CUL9: variants seen among roughly 807,000 people sequenced by gnomAD.
The protein encoded by CUL9 is cullin-9.
Under a neutral mutation model 272.6 loss-of-function variants are expected in CUL9, and 79 were observed. The observed-to-expected ratio is 0.29, with a 90% confidence interval of 0.24 to 0.35. CUL9 has a LOEUF of 0.35. CUL9 is among the 10% of genes least tolerant of loss of function. CUL9 has a pLI of 1.00. For synonymous variants in CUL9, 1,186 were observed against 1,286.5 expected (o/e 0.92, Z 1.67); for missense variants, 2,532 against 3,255.6 (o/e 0.78, Z 5.41).
Position 43,204,470 on chromosome 6 carries a change from C to T in CUL9, c.4270C>T (p.Arg1424Cys), listed in dbSNP as rs372301686. ...RAASFASRVRRLCHLLVHVEP... is the reference protein window; with the variant it reads ...RAASFASRVRCLCHLLVHVEP... ...AGCGTCCTTTGCTTCTCGAGTTCGT[C>T]GCCTTTGCCACTTGCTGGTGCATGT... The change falls in exon 21 of 41, where the codon CGC becomes TGC. Residue 1424 changes from arginine to cysteine, a missense_variant. Arg to Cys is a radical substitution (Grantham distance 180, BLOSUM62 -3). Transcript: ENST00000252050. 3.1e-5 allele frequency: 50 copies of T among 1,614,148 alleles called. No homozygotes were observed. The highest frequency in any genetic ancestry group is 1.9e-4 in the African/African-American group (14 of 75,030).
chr6:43,190,125 C>T (rs2150531862), intron 8 of CUL9, among the ~76,000 whole-genome samples: 1 of 152,072 alleles, frequency 6.6e-6, no homozygotes, highest in South Asian at 2.1e-4. Flanking sequence ...GTGTGGTTAT[C>T]TCCAGTTTCA....
In CUL9 at chr6:43,187,253, C is replaced by T. The variant is rs758575726; in HGVS notation, c.1395C>T (p.Pro465=). The part of the protein sequence containing the change: ...AGATVLGTAF[P]SWDWNPMDGL... The stretch of plus-strand genomic sequence containing the variant: ...CCATGCCTGTGTCCTCAGCATTTCC[C>T]TCCTGGGACTGGAATCCTATGGATG... Residue 465 remains proline (P), a synonymous_variant, in exon 6 of 41, where the codon CCC becomes CCT. Transcript: ENST00000252050. 3.7e-6 allele frequency: 6 copies of T among 1,613,856 alleles called. No individual in the cohort carries two copies. Among genetic ancestry groups the T allele is most frequent in the Non-Finnish European group, 4.2e-6 (5 of 1,179,892 alleles).
At chr6:43,188,202 A>C (rs1318891132) in intron 7 of CUL9, 84 bp downstream of exon 7, 1 of 1,509,118 alleles carries the variant, frequency 6.6e-7, no homozygotes, top group African/African-American at 1.4e-5. Context: ...ATCGAAGGAA[A>C]GCCATGGAGG....
At chr6:43,189,557 T>C (rs1343013250) in intron 8 of CUL9, among the ~76,000 whole-genome samples, 3 of 152,062 alleles carry the variant, frequency 2.0e-5, no homozygotes, top group Non-Finnish European at 4.4e-5. Context: ...TATTTACTTG[T>C]TTTTGAGACA....
At position 43,204,515 on chromosome 6, in the gene CUL9, TCTC is replaced by T; in HGVS notation, c.4318_4320del (p.Pro1440del). 2 of 1,614,050 alleles carry T rather than the reference TCTC, an allele frequency of 1.2e-6. No individual in the cohort carries two copies. The highest frequency in any genetic ancestry group is 1.7e-6 in the Non-Finnish European group (2 of 1,180,018). The stretch of plus-strand genomic sequence containing the variant: ...GCATGTGGAACCTCCTCCTGGGCCT[TCTC>T]CTGAGCCATCCACTCGGCCCTGTAA... On this transcript the variant is annotated inframe_deletion, in exon 21 of 41. Coordinates refer to ENST00000252050, the MANE Select transcript of CUL9 (RefSeq NM_015089.4).
chr6:43,222,953 C>T (rs1776494136), intron 38 of CUL9, 57 bp downstream of exon 38: 2 of 1,435,754 alleles, frequency 1.4e-6, no homozygotes, highest in Non-Finnish European at 2.0e-6. Context: ...TGTTGCACAG[C>T]CCGGCCCCTC....
chr6:43,199,265 G>A lies in CUL9; in HGVS notation c.3051-1G>A. On this transcript the variant is annotated splice_acceptor_variant, in intron 12 of 40. Coordinates refer to ENST00000252050, the MANE Select transcript of CUL9 (RefSeq NM_015089.4). LOFTEE classifies it high-confidence loss of function. This position sits in a 1 kb window ranked among gnomAD's most constrained non-coding sequence, Gnocchi z 4.4. The stretch of plus-strand genomic sequence containing the variant: ...TTCACTCGTTTCTACCCCCTCACCA[G>A]GGTCATAACCCGACTGCTGGATTTC... 6.2e-7 allele frequency: 1 copy of A among 1,612,394 alleles called. No homozygotes were observed. The highest frequency in any genetic ancestry group is 8.5e-7 in the Non-Finnish European group (1 of 1,178,824).
At chr6:43,198,900 G>T (rs757812446) in intron 12 of CUL9, 45 bp downstream of exon 12, 2 of 1,590,950 alleles carry the variant, frequency 1.3e-6, no homozygotes, top group East Asian at 4.5e-5. Context: ...GAGGGAAACT[G>T]GCAGACTTCA....
At position 43,222,370 on chromosome 6, in the gene CUL9, A is replaced by C. The variant is rs1466767738; in HGVS notation, c.6901A>C (p.Thr2301Pro). Residue 2301 changes from threonine to proline, a missense_variant, in exon 36 of 41, where the codon ACT (threonine) becomes CCT (proline). Coordinates refer to ENST00000252050, the MANE Select transcript of CUL9 (RefSeq NM_015089.4). ...GTTTCAGGACTATAATGAGAGGTGC[A>C]CTTTCCATCACCAGGCGCGGGTGAG... ...KRFQDYNERC[T>P]FHHQAREFAV... The C allele has an allele frequency of 6.2e-7, 1 of 1,611,324 alleles. No homozygotes were observed. The highest frequency in any genetic ancestry group is 1.4e-5 in the African/African-American group (1 of 73,890).
At position 43,222,561 on chromosome 6, in the gene CUL9, T is replaced by G. The variant is rs1238075564; in HGVS notation, c.6952T>G (p.Ser2318Ala). 3 of 1,613,846 alleles carry G rather than the reference T, an allele frequency of 1.9e-6. No individual in the cohort carries two copies. The Admixed American group carries it at 5.0e-5, about 27-fold the overall frequency. ...TGCTGTGAACTTGCGGAACCGGGTG[T>G]CTGCCATCCATGAAGTGCCCCCGCC... Reference protein sequence around the residue: ...EFAVNLRNRVSAIHEVPPPRS... With the variant: ...EFAVNLRNRVAAIHEVPPPRS... The change falls in exon 37 of 41, where the codon TCT becomes GCT. Residue 2318 changes from serine to alanine, a missense_variant. This residue lies in a region of CUL9 where 237 missense variants were observed against 305.9 expected (regional missense o/e 0.77). Coordinates refer to ENST00000252050, the MANE Select transcript of CUL9 (RefSeq NM_015089.4).
In CUL9 at chr6:43,186,046, C is replaced by G. The variant is rs1772879518; in HGVS notation, c.842C>G (p.Ala281Gly). 6.2e-7 allele frequency: 1 copy of G among 1,614,108 alleles called. No homozygotes were observed. Among genetic ancestry groups the G allele is most frequent in the African/African-American group, 1.3e-5 (1 of 74,930 alleles). Reference protein sequence around the residue: ...DQLNSSPELGAGDQSSPCATR... With the variant: ...DQLNSSPELGGGDQSSPCATR... ...CTGAATAGCAGTCCAGAGCTGGGAG[C>G]TGGAGACCAAAGCTCCCCATGTGCC... The change falls in exon 4 of 41, where the codon GCT becomes GGT. Residue 281 changes from alanine to glycine, a missense_variant. By Grantham distance (60) the Ala-to-Gly change is moderately conservative. Coordinates refer to ENST00000252050, the MANE Select transcript of CUL9 (RefSeq NM_015089.4).
At chr6:43,198,500 A>G (rs1774212445) in intron 11 of CUL9, 109 bp from the exon 12 acceptor site, 1 of 1,531,672 alleles carries the variant, frequency 6.5e-7, no homozygotes. Flanking sequence ...GACATCCTCA[A>G]TATAGAAGGA....
In CUL9 at chr6:43,213,420, G is replaced by A. The variant is rs772263199; in HGVS notation, c.5359-18G>A. On this transcript the variant is annotated intron_variant, in intron 27 of 40. Coordinates refer to ENST00000252050, the MANE Select transcript of CUL9 (RefSeq NM_015089.4). The surrounding 1 kb of genome is among the most constrained non-coding windows in gnomAD (Gnocchi z 5.7). The stretch of plus-strand genomic sequence containing the variant: ...TTTTCTTTCCTTTGACTCCTGACTG[G>A]GCGTTTCTGCTCATCAGGAGGTGTC... The A allele has an allele frequency of 3.1e-6, 5 of 1,613,440 alleles. No homozygotes were observed. The highest frequency in any genetic ancestry group is 4.2e-6 in the Non-Finnish European group (5 of 1,179,670).
Position 43,186,305 on chromosome 6 carries a change from T to C in CUL9, c.1101T>C (p.Ser367=). The C allele has an allele frequency of 6.2e-7, 1 of 1,614,200 alleles. No individual in the cohort carries two copies. Residue 367 remains serine (S), a synonymous_variant, in exon 4 of 41, where the codon TCT becomes TCC. Coordinates refer to ENST00000252050, the MANE Select transcript of CUL9 (RefSeq NM_015089.4). ...RRQGWVFRQR[S]EFSSRSGYGE... ...AAGGGTGGGTCTTCCGCCAGCGCTC[T>C]GAATTCTCCAGCCGTAGTGGCTATG...
Position 43,222,632 on chromosome 6 carries a change from G to A in CUL9, c.7023G>A (p.Gln2341=). 1.2e-6 allele frequency: 2 copies of A among 1,612,198 alleles called. No homozygotes were observed. The change falls in exon 37 of 41, where the codon CAG becomes CAA. Residue 2341 remains glutamine, a synonymous_variant. Coordinates refer to ENST00000252050, the MANE Select transcript of CUL9 (RefSeq NM_015089.4). The part of the protein sequence containing the change: ...FLNDACQGLE[Q]ARKVLAYACV... ...ATGATGCCTGCCAGGGACTGGAGCA[G>A]GCTCGGAAGGTGGTAGCGGGTGGGG... is the stretch of plus-strand genomic sequence containing the variant.
chr6:43,204,600 C>T (rs1376790549), intron 21 of CUL9, 61 bp downstream of exon 21: 15 of 1,603,270 alleles, frequency 9.4e-6, no homozygotes, highest in Non-Finnish European at 1.1e-5. Context: ...CTGGCTCCCT[C>T]CTCCCTGGGT....
intron 26 of CUL9, among the ~76,000 whole-genome samples, chr6:43,207,687 T>G (rs1328555887): frequency 1.3e-5 from 2 of 152,216 alleles, no homozygotes; most frequent in African/African-American, 4.8e-5. Flanking sequence ...TGTTTAATTT[T>G]TTTTTGTTTT....
chr6:43,184,714 C>T lies in CUL9; in HGVS notation c.404C>T (p.Thr135Ile). The T allele has an allele frequency of 6.2e-7, 1 of 1,614,112 alleles. No individual in the cohort carries two copies. Among genetic ancestry groups the T allele is most frequent in the South Asian group, 1.1e-5 (1 of 91,088 alleles). The change falls in exon 2 of 41, where the codon ACC becomes ATC. Residue 135 changes from threonine (T) to isoleucine (I), a missense_variant. By Grantham distance (89) the Thr-to-Ile change is moderately conservative. This residue lies in a region of CUL9 where 2,218 missense variants were observed against 2,788.6 expected (regional missense o/e 0.80). Transcript: ENST00000252050. This position sits in a 1 kb window ranked among gnomAD's most constrained non-coding sequence, Gnocchi z 4.8. ...RAARQLAESGTPSLTAAVLHT... is the reference protein window; with the variant it reads ...RAARQLAESGIPSLTAAVLHT... ...GCCAGGCAGCTGGCAGAAAGTGGGA[C>T]CCCAAGCCTCACGGCCGCTGTGCTT...
Position 43,216,248 on chromosome 6 carries a change from G to A in CUL9, c.6027G>A (p.Thr2009=), listed in dbSNP as rs150965930. 140 of 1,613,572 alleles carry A rather than the reference G, an allele frequency of 8.7e-5. No homozygotes were observed. The African/African-American group carries it at 1.3e-3, about 16-fold the overall frequency. ...PQEVEGLMKQ[T]VRQVQETLNL... ...AAGTAGAAGGGTTGATGAAGCAGAC[G>A]GTGCGTCAGGTGCAGGAGACGCTGA... Residue 2009 remains threonine (T), a synonymous_variant, in exon 31 of 41, where the codon ACG becomes ACA. Coordinates refer to ENST00000252050, the MANE Select transcript of CUL9 (RefSeq NM_015089.4).
Sources: gnomAD v4.1 joint callset for allele counts (sites outside exome capture counted in the v4.1 genomes callset) on GRCh38, gnomAD v4.1.1 for gene constraint, gnomAD v4.1.1 regional missense constraint, Gnocchi (gnomAD v3.1) non-coding constraint, MANE v1.5 for transcripts, NCBI Gene and HGNC (gene_info 2026-07-23, HGNC 2026-07-21) for gene names.